NUP205: variants seen among roughly 807,000 people sequenced by gnomAD.
NUP205 encodes nuclear pore complex protein Nup205.
A neutral mutation model predicts 253.8 loss-of-function variants in NUP205; 76 were observed. That is an observed-to-expected ratio of 0.30 (90% CI 0.25 to 0.36). NUP205 has a LOEUF of 0.36. NUP205 is among the 10% of genes least tolerant of loss of function. The probability of loss-of-function intolerance (pLI) is 1.00; values close to 1 mark genes in which losing one functional copy is unlikely to be tolerated. For synonymous variants in NUP205, 832 were observed against 850.1 expected (o/e 0.98, Z 0.37); for missense variants, 2,162 against 2,425.5 (o/e 0.89, Z 2.28).
In NUP205 at chr7:135,614,172, T is replaced by TA. The variant is rs1794301434; in HGVS notation, c.3210dup (p.Cys1071MetfsTer5). The TA allele has an allele frequency of 6.3e-7, 1 of 1,586,124 alleles. No homozygotes were observed. Among genetic ancestry groups the TA allele is most frequent in the African/African-American group, 1.3e-5 (1 of 74,342 alleles). On this transcript the variant is annotated frameshift_variant, in exon 23 of 43. Transcript: ENST00000285968. LOFTEE classifies it high-confidence loss of function. ...TTAATGCTTTAGGTCATATATCAGT[T>TA]ATGTGCATGCTCTGATACATCTGGT... is the stretch of plus-strand genomic sequence containing the variant.
intron 24 of NUP205, 33 bp from the exon 25 acceptor site, chr7:135,616,622 T>C: frequency 7.7e-7 from 1 of 1,303,746 alleles, no homozygotes; most frequent in Non-Finnish European, 1.1e-6. Flanking sequence ...ATGTTCTTCT[T>C]TTTCTGATTC....
At chr7:135,569,215 C>T (rs1030068910) in intron 1 of NUP205, among the ~76,000 whole-genome samples, 5 of 152,084 alleles carry the variant, frequency 3.3e-5, no homozygotes, top group Admixed American at 2.0e-4. Context: ...GGATTACAGG[C>T]GCGTGCCACC....
At chr7:135,636,275 G>T (rs952926220) in intron 36 of NUP205, among the ~76,000 whole-genome samples, 3 of 151,986 alleles carry the variant, frequency 2.0e-5, no homozygotes, top group Admixed American at 2.0e-4. Context: ...ATATCCCATT[G>T]TTTTTGATAC....
In NUP205 at chr7:135,594,701, C is replaced by T. The variant is rs750422761; in HGVS notation, c.1985C>T (p.Ser662Phe). 6.2e-7 allele frequency: 1 copy of T among 1,613,534 alleles called. No individual in the cohort carries two copies. The highest frequency in any genetic ancestry group is 1.7e-5 in the Admixed American group (1 of 59,958). The change falls in exon 13 of 43, where the codon TCC becomes TTC. Residue 662 changes from serine (S) to phenylalanine (F), a missense_variant. By Grantham distance (155) the Ser-to-Phe change is radical. Around this residue, in one of 5 missense-constraint regions of NUP205, gnomAD observed 892 missense variants for 957.1 expected, o/e 0.93. Coordinates refer to ENST00000285968, the MANE Select transcript of NUP205 (RefSeq NM_015135.3). ...GGAAAATCTCCTGAAATTGCTGCTT[C>T]CCTCTGGCAGTCATTGGAATACACT... ...AFGKSPEIAASLWQSLEYTQI... is the reference protein window; with the variant it reads ...AFGKSPEIAAFLWQSLEYTQI...
At chr7:135,591,221 T>A (rs556684680) in intron 10 of NUP205, among the ~76,000 whole-genome samples, 3 of 152,174 alleles carry the variant, frequency 2.0e-5, no homozygotes, top group Non-Finnish European at 2.9e-5. Context: ...CATTGAGATA[T>A]TTTTTTAAAA....
At chr7:135,576,822 C>A in intron 4 of NUP205, 147 bp from the exon 5 acceptor site, 1 of 679,444 alleles carries the variant, frequency 1.5e-6, no homozygotes, top group Non-Finnish European at 2.4e-6. Flanking sequence ...GTCAAGGCTG[C>A]AGTGAGCCAT....
At position 135,616,676 on chromosome 7, in the gene NUP205, A is replaced by G; in HGVS notation, c.3482A>G (p.Asp1161Gly). ...ACAGATGGTGAAGGAGGAATAGAAG[A>G]TGAAAACAGGTCTGTTTCTGGGTTC... ...PYSDGEGGIEDENRSVSGFLH... is the reference protein window; with the variant it reads ...PYSDGEGGIEGENRSVSGFLH... The change falls in exon 25 of 43, where the codon GAT (aspartate) becomes GGT (glycine). Residue 1161 changes from aspartate (D) to glycine (G), a missense_variant. By Grantham distance (94) the Asp-to-Gly change is moderately conservative (BLOSUM62 -1). Coordinates refer to ENST00000285968, the MANE Select transcript of NUP205 (RefSeq NM_015135.3). 6 of 1,569,720 alleles carry G rather than the reference A, an allele frequency of 3.8e-6. No individual in the cohort carries two copies. Among genetic ancestry groups the G allele is most frequent in the Non-Finnish European group, 5.2e-6 (6 of 1,161,960 alleles).
At chr7:135,624,127 A>G (rs1222666803) in intron 31 of NUP205, among the ~76,000 whole-genome samples, 1 of 152,194 alleles carries the variant, frequency 6.6e-6, no homozygotes, top group South Asian at 2.1e-4. Context: ...TTGTATGCAT[A>G]GAAAAAATAC....
intron 7 of NUP205, among the ~76,000 whole-genome samples, chr7:135,582,353 A>AG (rs771390066): frequency 4.6e-5 from 7 of 152,200 alleles, no homozygotes; most frequent in Non-Finnish European, 7.3e-5. Flanking sequence ...ATTCAAGTAA[A>AG]GGTTTGAAAT....
chr7:135,647,873 A>C (rs578026017), intron 42 of NUP205, among the ~76,000 whole-genome samples: 1 of 152,364 alleles, frequency 6.6e-6, no homozygotes, highest in South Asian at 2.1e-4. Flanking sequence ...CTACATATGC[A>C]TTCTAGAATA....
At chr7:135,629,559 C>G (rs1048533575) in intron 34 of NUP205, among the ~76,000 whole-genome samples, 9 of 145,508 alleles carry the variant, frequency 6.2e-5, no homozygotes, top group African/African-American at 1.0e-4. Flanking sequence ...CAGAGTCTCA[C>G]TTCGTCACCC....
intron 1 of NUP205, among the ~76,000 whole-genome samples, chr7:135,559,453 C>T (rs1805519450): frequency 6.6e-6 from 1 of 152,076 alleles, no homozygotes; most frequent in Non-Finnish European, 1.5e-5. Context: ...TCGCTGCAAC[C>T]TCTGCCTCCC....
At chr7:135,646,075 A>C (rs925299826) in intron 41 of NUP205, 83 bp from the exon 42 acceptor site, 6 of 873,154 alleles carry the variant, frequency 6.9e-6, no homozygotes, top group Non-Finnish European at 9.6e-6. Context: ...TGCTATTGTT[A>C]TTATTCATTG....
chr7:135,586,060 C>T (rs755814099), intron 8 of NUP205, among the ~76,000 whole-genome samples: 17 of 151,816 alleles, frequency 1.1e-4, no homozygotes, highest in African/African-American at 1.7e-4. Flanking sequence ...CAAATGTTGG[C>T]GGGAAGTAAA....
Position 135,630,386 on chromosome 7 carries a change from A to G in NUP205, c.4975A>G (p.Ile1659Val), listed in dbSNP as rs556772438. 15 of 1,609,248 alleles carry G rather than the reference A, an allele frequency of 9.3e-6. 1 individual carries two copies. The highest frequency in any genetic ancestry group is 4.4e-5 in the South Asian group (4 of 90,424). ...LISHSDTIQA[I>V]LRCQDVSAGS... is the part of the protein sequence containing the mutation. The stretch of plus-strand genomic sequence containing the variant: ...TTCACATTCTGATACCATACAAGCA[A>G]TTCTGCGCTGTCAGGATGTTAGTGC... Residue 1659 changes from isoleucine (I) to valine (V), a missense_variant, in exon 35 of 43, where the codon ATT (isoleucine) becomes GTT (valine). Around this residue, in one of 5 missense-constraint regions of NUP205, gnomAD observed 1,144 missense variants for 1,280.9 expected, o/e 0.89. Coordinates refer to ENST00000285968, the MANE Select transcript of NUP205 (RefSeq NM_015135.3).
At chr7:135,561,903 C>T (rs1485082347) in intron 1 of NUP205, among the ~76,000 whole-genome samples, 1 of 147,862 alleles carries the variant, frequency 6.8e-6, no homozygotes, top group African/African-American at 2.5e-5. Context: ...TTCCTTTGTT[C>T]CTTCCTTCCT....
intron 7 of NUP205, among the ~76,000 whole-genome samples, chr7:135,579,255 C>T (rs1049910524): frequency 5.3e-5 from 8 of 150,680 alleles, no homozygotes; most frequent in Middle Eastern, 3.4e-3. Context: ...AGTGCAATGG[C>T]ACAGTCTCGG....
intron 6 of NUP205, among the ~76,000 whole-genome samples, chr7:135,578,267 T>C (rs1806208957): frequency 6.6e-6 from 1 of 152,264 alleles, no homozygotes; most frequent in African/African-American, 2.4e-5. Context: ...ATTATACATG[T>C]TCATGATTGC....
chr7:135,633,510 ATG>A (rs928186864), intron 35 of NUP205, among the ~76,000 whole-genome samples: 3 of 152,152 alleles, frequency 2.0e-5, no homozygotes, highest in African/African-American at 7.2e-5. Flanking sequence ...TTGTGTGTAT[ATG>A]TGTGTGTGTA....
Sources: allele counts gnomAD v4.1 joint callset (sites outside exome capture counted in the v4.1 genomes callset), GRCh38; gene constraint gnomAD v4.1.1; regional missense constraint gnomAD v4.1.1; transcripts MANE v1.5; gene names NCBI Gene and HGNC (gene_info 2026-07-23, HGNC 2026-07-21).